The following ADCY10 variants were observed in gnomAD, a reference collection of about 807,000 sequenced individuals.
ADCY10 encodes adenylate cyclase 10.
Under a neutral mutation model 183.3 loss-of-function variants are expected in ADCY10, and 156 were observed. The observed-to-expected ratio is 0.85, with a 90% CI of 0.75 to 0.97. The LOEUF is 0.97. Among genes scored for constraint, ADCY10 ranks in the 50% least tolerant of loss-of-function variants. ADCY10 has a pLI of 0.00. For synonymous variants in ADCY10, 645 were observed against 670.0 expected (o/e 0.96, Z 0.58); for missense variants, 1,745 against 1,934.3 (o/e 0.90, Z 1.84).
intron 25 of ADCY10, among the ~76,000 whole-genome samples, chr1:167,832,357 A>G (rs1257458854): frequency 6.6e-6 from 1 of 152,220 alleles, no homozygotes; most frequent in African/African-American, 2.4e-5. Flanking sequence ...ACCTTCAACA[A>G]CTAGCAACAT....
chr1:167,912,014 A>G (rs1670176130), intron 1 of ADCY10, among the ~76,000 whole-genome samples: 1 of 152,246 alleles, frequency 6.6e-6, no homozygotes. Context: ...TCTTATGAAC[A>G]CCCATAAAAG....
chr1:167,848,204 G>A (rs1239733922), intron 19 of ADCY10, among the ~76,000 whole-genome samples, 157 bp downstream of exon 19: 4 of 151,906 alleles, frequency 2.6e-5, no homozygotes, highest in East Asian at 1.9e-4. Flanking sequence ...TTACAGGTGT[G>A]TGCCTGGCTA....
chr1:167,813,510 AAAAAGAAAGAAAAG>A (rs1249360187), intron 31 of ADCY10, among the ~76,000 whole-genome samples: 2 of 152,304 alleles, frequency 1.3e-5, no homozygotes, highest in East Asian at 1.9e-4. Context: ...ACGCCTTAAA[AAAAAGAAAGAAAAG>A]AAAAGAAAGA....
chr1:167,820,084 G>A, intron 30 of ADCY10: 2 of 1,567,388 alleles, frequency 1.3e-6, no homozygotes, highest in Middle Eastern at 1.7e-4. Flanking sequence ...GATAAAATTT[G>A]GCTATGGTTG....
Position 167,880,096 on chromosome 1 carries a change from A to G in ADCY10, c.1216+19T>C. 1 of 1,606,252 alleles carries G rather than the reference A, an allele frequency of 6.2e-7. No homozygotes were observed. Among genetic ancestry groups the G allele is most frequent in the Non-Finnish European group, 8.5e-7 (1 of 1,176,094 alleles). On this transcript the variant is annotated intron_variant, in intron 11 of 32. Coordinates refer to ENST00000367851, the MANE Select transcript of ADCY10 (RefSeq NM_018417.6). The stretch of plus-strand genomic sequence containing the variant: ...TGTGTTTGCAGAAAGAAAGCTGGAG[A>G]TGAGCTGACCCAGCACACCTGTGTA...
At position 167,845,505 on chromosome 1, in the gene ADCY10, T is replaced by C. The variant is rs551087167; in HGVS notation, c.3007+58A>G. 4.5e-6 allele frequency: 7 copies of C among 1,566,778 alleles called. No individual in the cohort carries two copies. In the Admixed American group the frequency reaches 1.0e-4, roughly 23 times the overall value. ...AAGATCCACACCCACTCCTTCTAGATCTTAGTCTCTAGATTTCCCAAGAAC... is the reference window on the plus strand; with the variant it reads ...AAGATCCACACCCACTCCTTCTAGACCTTAGTCTCTAGATTTCCCAAGAAC... On this transcript the variant is annotated intron_variant, in intron 21 of 32. Coordinates refer to ENST00000367851, the MANE Select transcript of ADCY10 (RefSeq NM_018417.6).
At chr1:167,830,542 C>A (rs1206626237) in intron 25 of ADCY10, among the ~76,000 whole-genome samples, 3 of 152,164 alleles carry the variant, frequency 2.0e-5, no homozygotes, top group Non-Finnish European at 4.4e-5. Context: ...CAGGCACACA[C>A]CACCATGTCT....
intron 31 of ADCY10, among the ~76,000 whole-genome samples, chr1:167,815,386 T>C (rs1313686070): frequency 6.6e-6 from 1 of 152,188 alleles, no homozygotes; most frequent in Non-Finnish European, 1.5e-5. Flanking sequence ...GGGGTTTTAC[T>C]AGAGTCTAAC....
At chr1:167,837,186 G>T in intron 22 of ADCY10, 63 bp downstream of exon 22, 1 of 1,412,790 alleles carries the variant, frequency 7.1e-7, no homozygotes, top group Non-Finnish European at 1.0e-6. Context: ...GATTCTAATA[G>T]TGTTCTGAAT....
intron 3 of ADCY10, 148 bp downstream of exon 3, chr1:167,903,739 A>T: frequency 1.5e-6 from 1 of 662,196 alleles, no homozygotes. Context: ...ATACTATATC[A>T]TATTTCAAAA....
intron 17 of ADCY10, 135 bp from the exon 18 acceptor site, chr1:167,854,624 G>T: frequency 8.9e-7 from 1 of 1,127,008 alleles, no homozygotes; most frequent in Non-Finnish European, 1.3e-6. Context: ...TCAGTTTTGA[G>T]GCATTGCTTT....
intron 30 of ADCY10, chr1:167,820,405 G>T: frequency 1.9e-6 from 1 of 529,684 alleles, no homozygotes; most frequent in East Asian, 3.3e-5. Flanking sequence ...CCCGAGAGCT[G>T]GCCGACTGCC....
chr1:167,899,550 A>AC lies in ADCY10; in HGVS notation c.514dup (p.Val172GlyfsTer15). The stretch of plus-strand genomic sequence containing the variant: ...GTTCTGGGCAAGGCGCACATCGTCC[A>AC]CTGCCTGACCAATCACCAGAAAGTG... On this transcript the variant is annotated frameshift_variant, in exon 6 of 33. Transcript: ENST00000367851. LOFTEE classifies it high-confidence loss of function. 6.2e-7 allele frequency: 1 copy of AC among 1,614,236 alleles called. No individual in the cohort carries two copies. The highest frequency in any genetic ancestry group is 1.1e-5 in the South Asian group (1 of 91,088).
Position 167,834,053 on chromosome 1 carries a change from GTCCTTCAT to G in ADCY10, c.3326_3333del (p.Asn1109ThrfsTer18). The G allele has an allele frequency of 6.2e-7, 1 of 1,614,024 alleles. No individual in the cohort carries two copies. Among genetic ancestry groups the G allele is most frequent in the Admixed American group, 1.7e-5 (1 of 60,016 alleles). On this transcript the variant is annotated frameshift_variant, in exon 24 of 33. Coordinates refer to ENST00000367851, the MANE Select transcript of ADCY10 (RefSeq NM_018417.6). LOFTEE classifies it high-confidence loss of function. ...TTCTTGAGAGTTTTTAGCAACTTCT[GTCCTTCAT>G]TCAAATACATGTATGCCTGTAACCA...
intron 23 of ADCY10, among the ~76,000 whole-genome samples, chr1:167,835,184 T>C (rs545739517): frequency 1.6e-3 from 249 of 152,244 alleles, no homozygotes; most frequent in Admixed American, 4.3e-3. Flanking sequence ...TTTCCTCAAG[T>C]GAGTTCATGG....
rs751006118 is a variant in ADCY10 at position 167,837,050 on chromosome 1, T to A, written c.3077+199A>T. On this transcript the variant is annotated intron_variant, in intron 22 of 32. Coordinates refer to ENST00000367851, the MANE Select transcript of ADCY10 (RefSeq NM_018417.6). ...GAAAAAATAAATAAATAAAATAAAA[T>A]ATCTTTAAAAACAAAAGAGCAGGAT... 4 of 627,534 alleles carry A rather than the reference T, an allele frequency of 6.4e-6. No individual in the cohort carries two copies. The African/African-American group carries it at 7.4e-5, about 12-fold the overall frequency. The allele number at this position is 627,534 out of a possible 1,614,324, so 38.9% of individuals were successfully genotyped here. A position where few individuals can be genotyped will look rare whatever the true frequency, so the allele number is the denominator to read the frequency against.
At chr1:167,913,048 A>G (rs555016087) in intron 1 of ADCY10, among the ~76,000 whole-genome samples, 28 of 152,320 alleles carry the variant, frequency 1.8e-4, no homozygotes, top group African/African-American at 6.0e-4. Context: ...GGTTTAATTT[A>G]AGAGCACTTT....
chr1:167,845,964 G>T (rs1447990742), intron 20 of ADCY10, 21 bp downstream of exon 20: 1 of 1,614,150 alleles, frequency 6.2e-7, no homozygotes, highest in Middle Eastern at 1.6e-4. Context: ...AGGAAATTGG[G>T]TCACTCCAGG....
intron 10 of ADCY10, 64 bp downstream of exon 10, chr1:167,880,427 G>T (rs1186759883): frequency 4.2e-6 from 5 of 1,186,562 alleles, no homozygotes; most frequent in Non-Finnish European, 3.8e-6. Context: ...TTCCCTGCAT[G>T]CCCTCCCTAC....
Sources: gnomAD v4.1 joint callset for allele counts (sites outside exome capture counted in the v4.1 genomes callset) on GRCh38, gnomAD v4.1.1 for gene constraint, MANE v1.5 for transcripts, NCBI Gene and HGNC (gene_info 2026-07-23, HGNC 2026-07-21) for gene names.